PTPRD: variants seen among roughly 807,000 people sequenced by gnomAD.
PTPRD encodes protein tyrosine phosphatase receptor type D.
In PTPRD, 34 loss-of-function variants were observed where a neutral mutation model predicts 214.5. That is an observed-to-expected ratio of 0.16 (90% CI 0.12 to 0.21). The LOEUF is 0.21. Ranked by LOEUF, PTPRD falls within the 10% of genes least tolerant of loss-of-function variation. The pLI, the probability that PTPRD is intolerant of heterozygous loss-of-function variation, is 1.00. For missense variants in PTPRD, 2,545 were observed against 2,398.7 expected (o/e 1.06, Z -1.27); for synonymous variants, 1,128 against 845.7 (o/e 1.33, Z -5.79).
intron 5 of PTPRD, among the ~76,000 whole-genome samples, chr9:9,830,229 C>T (rs2054355447): frequency 6.6e-6 from 1 of 151,636 alleles, no homozygotes; most frequent in South Asian, 2.1e-4. Context: ...TTTATTACTA[C>T]TGATAGAGTA....
chr9:8,561,621 G>C (rs1593838986), intron 14 of PTPRD, among the ~76,000 whole-genome samples: 1 of 152,162 alleles, frequency 6.6e-6, no homozygotes, highest in Admixed American at 6.5e-5. Context: ...GGGGTGGAGA[G>C]TGGAGGGCAC....
At chr9:9,617,843 C>T (rs1344731681) in intron 7 of PTPRD, among the ~76,000 whole-genome samples, 2 of 151,392 alleles carry the variant, frequency 1.3e-5, no homozygotes, top group African/African-American at 4.9e-5. Context: ...GAGGCAGAGG[C>T]GGGCAGATCA....
At chr9:9,474,505 G>C (rs979859007) in intron 8 of PTPRD, among the ~76,000 whole-genome samples, 1 of 152,022 alleles carries the variant, frequency 6.6e-6, no homozygotes, top group African/African-American at 2.4e-5. Flanking sequence ...GATAGGGATT[G>C]TATTAAATCT....
intron 14 of PTPRD, among the ~76,000 whole-genome samples, chr9:8,592,420 T>G (rs12347230): frequency 0.1 from 15,436 of 152,184 alleles, 2,077 homozygotes; most frequent in African/African-American, 0.31. Context: ...AGTTGACTCC[T>G]AAGTGAGTAA....
At chr9:8,717,958 C>A (rs781667536) in intron 12 of PTPRD, among the ~76,000 whole-genome samples, 2 of 152,164 alleles carry the variant, frequency 1.3e-5, no homozygotes, top group Non-Finnish European at 2.9e-5. Context: ...TACCACTAGT[C>A]TGACAGCAGT....
intron 9 of PTPRD, among the ~76,000 whole-genome samples, chr9:9,278,462 A>G (rs1946458491): frequency 6.6e-6 from 1 of 151,342 alleles, no homozygotes; most frequent in Admixed American, 6.6e-5. Flanking sequence ...TAAGCCACTT[A>G]GAGAAGTTTA....
At chr9:8,904,888 A>G (rs903735483) in intron 11 of PTPRD, among the ~76,000 whole-genome samples, 3 of 152,156 alleles carry the variant, frequency 2.0e-5, no homozygotes, top group African/African-American at 7.2e-5. Context: ...ATATATAAAA[A>G]CACACACACA....
At chr9:8,776,795 ATATATAT>A (rs1218432767) in intron 11 of PTPRD, among the ~76,000 whole-genome samples, 1 of 147,470 alleles carries the variant, frequency 6.8e-6, no homozygotes, top group African/African-American at 2.5e-5. Context: ...TATGTATTAT[ATATATAT>A]TATATATGTA....
At chr9:9,369,487 T>C (rs888223069) in intron 9 of PTPRD, among the ~76,000 whole-genome samples, 2 of 152,098 alleles carry the variant, frequency 1.3e-5, no homozygotes, top group Admixed American at 1.3e-4. Flanking sequence ...TTTGTTGGAG[T>C]TCATTGTAGA....
At chr9:10,529,021 C>A (rs1259366861) in intron 2 of PTPRD, among the ~76,000 whole-genome samples, 1 of 152,042 alleles carries the variant, frequency 6.6e-6, no homozygotes, top group Non-Finnish European at 1.5e-5. Context: ...TAGTGAAGCT[C>A]CTAGTTTAGT....
intron 43 of PTPRD, among the ~76,000 whole-genome samples, chr9:8,334,817 G>C (rs545385001): frequency 8.4e-4 from 107 of 126,834 alleles, no homozygotes; most frequent in Admixed American, 2.9e-3. Flanking sequence ...AATAAAAAAG[G>C]ACAAAGGGGA....
At chr9:10,307,871 G>C (rs2096135213) in intron 3 of PTPRD, among the ~76,000 whole-genome samples, 1 of 151,594 alleles carries the variant, frequency 6.6e-6, no homozygotes, top group South Asian at 2.1e-4. Context: ...GTCTTATTTT[G>C]AAAAATATCT....
intron 9 of PTPRD, among the ~76,000 whole-genome samples, chr9:9,362,960 T>C (rs540126504): frequency 1.3e-5 from 2 of 151,388 alleles, no homozygotes; most frequent in African/African-American, 4.8e-5. Flanking sequence ...AATCCTTTTA[T>C]CAAATGTTTA....
chr9:10,156,078 T>TTGTTTGTG (rs2099090943), intron 3 of PTPRD, among the ~76,000 whole-genome samples: 1 of 132,548 alleles, frequency 7.5e-6, no homozygotes, highest in African/African-American at 2.8e-5. Flanking sequence ...TTTTGAATGT[T>TTGTTTGTG]TGTGTGTGTG....
At chr9:10,543,738 T>C (rs1032695011) in intron 2 of PTPRD, among the ~76,000 whole-genome samples, 1 of 152,246 alleles carries the variant, frequency 6.6e-6, no homozygotes, top group African/African-American at 2.4e-5. Flanking sequence ...TTGGCTCTGG[T>C]GCCAAGAGCT....
intron 26 of PTPRD, among the ~76,000 whole-genome samples, chr9:8,494,921 C>T (rs2136434849): frequency 6.6e-6 from 1 of 152,070 alleles, no homozygotes; most frequent in Admixed American, 6.6e-5. Flanking sequence ...GGCCATAATT[C>T]CTCATTCTCT....
In PTPRD at chr9:8,747,967, T is replaced by C. The variant is rs561365406; in HGVS notation, c.-103-14021A>G. 3.3e-5 allele frequency among the ~76,000 whole-genome samples: 5 copies of C among 152,244 alleles called. No homozygotes were observed. In the East Asian group the frequency reaches 5.8e-4, roughly 18 times the overall value. Reference sequence around the variant, plus strand: ...CTTCCAGAATCGAAGCTGTAATATATATGGTTCTTCAAATGGAGCCACAGA... The same window carrying C: ...CTTCCAGAATCGAAGCTGTAATATACATGGTTCTTCAAATGGAGCCACAGA... On this transcript the variant is annotated intron_variant, in intron 11 of 45. Coordinates refer to ENST00000381196, the MANE Select transcript of PTPRD (RefSeq NM_002839.4).
intron 2 of PTPRD, among the ~76,000 whole-genome samples, chr9:10,414,773 T>G (rs1035781806): frequency 6.6e-6 from 1 of 151,804 alleles, no homozygotes; most frequent in Non-Finnish European, 1.5e-5. Context: ...AAGAATGAGA[T>G]CATATCTTTT....
intron 12 of PTPRD, chr9:8,713,670 G>T: frequency 6.6e-7 from 1 of 1,509,846 alleles, no homozygotes; most frequent in Non-Finnish European, 9.1e-7. Context: ...ACCGCGCCCG[G>T]GCCCACTCCA....
Sources: allele counts gnomAD v4.1 joint callset (sites outside exome capture counted in the v4.1 genomes callset), GRCh38; gene constraint gnomAD v4.1.1; transcripts MANE v1.5; gene names NCBI Gene and HGNC (gene_info 2026-07-23, HGNC 2026-07-21).